DST: variants seen among roughly 807,000 people sequenced by gnomAD.
DST encodes dystonin.
Under a neutral mutation model 875.2 loss-of-function variants are expected in DST, and 253 were observed. The ratio of observed to expected loss-of-function variants is 0.29; its 90% CI spans 0.26 to 0.32. The LOEUF (loss-of-function observed/expected upper bound fraction) is 0.32. Among genes scored for constraint, DST ranks in the 10% least tolerant of loss-of-function variants. The pLI, the probability that DST is intolerant of heterozygous loss-of-function variation, is 1.00. For synonymous variants in DST, 3,124 were observed against 3,197.1 expected (o/e 0.98, Z 0.77); for missense variants, 8,287 against 9,111.6 (o/e 0.91, Z 3.68).
In DST at chr6:56,529,645, C is replaced by G. The variant is rs1336953040; in HGVS notation, c.17398G>C (p.Val5800Leu). 6.2e-7 allele frequency: 1 copy of G among 1,613,774 alleles called. No individual in the cohort carries two copies. Among genetic ancestry groups the G allele is most frequent in the Admixed American group, 1.7e-5 (1 of 60,012 alleles). The change falls in exon 66 of 104, where the codon GTA (valine) becomes CTA (leucine). Residue 5800 changes from valine to leucine, a missense_variant. By Grantham distance (32) the Val-to-Leu change is conservative. Around this residue, in one of 10 missense-constraint regions of DST, gnomAD observed 777 missense variants for 764.8 expected, o/e 1.02. Coordinates refer to ENST00000680361, the MANE Select transcript of DST (RefSeq NM_001374736.1). ...TTCTCTTGAATCTCAATGTACCATA[C>G]TTGAGAGAAGTCTAATTTACTCTGC... ...MVQSKLDFSQVWYIEIQEKSH... is the reference protein window; with the variant it reads ...MVQSKLDFSQLWYIEIQEKSH...
intron 4 of DST, among the ~76,000 whole-genome samples, chr6:56,759,472 C>A (rs923785219): frequency 4.6e-5 from 7 of 152,048 alleles, no homozygotes; most frequent in Non-Finnish European, 7.4e-5. Flanking sequence ...ATAAATAAAT[C>A]AAAAACCACA....
At chr6:56,633,233 C>CTT (rs61647189) in intron 27 of DST, among the ~76,000 whole-genome samples, 196 bp from the exon 28 acceptor site, 2 of 138,720 alleles carry the variant, frequency 1.4e-5, no homozygotes, top group Non-Finnish European at 1.5e-5. Flanking sequence ...GAGTTTCACT[C>CTT]TTTTTTTTTT....
chr6:56,928,715 A>T (rs1808526913), intron 2 of DST, among the ~76,000 whole-genome samples: 1 of 152,230 alleles, frequency 6.6e-6, no homozygotes, highest in Non-Finnish European at 1.5e-5. Context: ...AATCCACTAC[A>T]AACAGTAAGA....
intron 82 of DST, among the ~76,000 whole-genome samples, chr6:56,497,014 T>A (rs1583154453): frequency 6.6e-6 from 1 of 151,378 alleles, no homozygotes; most frequent in East Asian, 1.9e-4. Context: ...GGGACTGTTG[T>A]GGGGTCAGGG....
At chr6:56,597,627 A>C (rs1363508267) in intron 47 of DST, 113 bp downstream of exon 47, 1 of 1,124,478 alleles carries the variant, frequency 8.9e-7, no homozygotes, top group East Asian at 2.4e-5. Context: ...ATGAACACAG[A>C]AAAAAACCTC....
intron 49 of DST, among the ~76,000 whole-genome samples, chr6:56,591,574 A>G (rs1022288140): frequency 2.0e-5 from 3 of 152,216 alleles, no homozygotes; most frequent in African/African-American, 4.8e-5. Flanking sequence ...AGTGAACAAG[A>G]TAAGTAAGTA....
chr6:56,462,370 G>A (rs973966812), intron 102 of DST, among the ~76,000 whole-genome samples: 83 of 151,858 alleles, frequency 5.5e-4, no homozygotes, highest in African/African-American at 1.7e-3. Context: ...ATATCATGCC[G>A]TATTAAAAAG....
intron 17 of DST, 27 bp from the exon 18 acceptor site, chr6:56,640,632 G>C: frequency 1.3e-6 from 2 of 1,567,108 alleles, no homozygotes; most frequent in African/African-American, 1.4e-5. Context: ...AAGGGATAAG[G>C]TGAAATATAA....
intron 4 of DST, among the ~76,000 whole-genome samples, chr6:56,746,005 A>T (rs1228428965): frequency 6.6e-6 from 1 of 152,120 alleles, no homozygotes; most frequent in Non-Finnish European, 1.5e-5. Context: ...TTTAACAGAC[A>T]GGGTTTCACT....
intron 2 of DST, among the ~76,000 whole-genome samples, chr6:56,931,502 A>C (rs951995779): frequency 4.6e-5 from 7 of 152,090 alleles, no homozygotes. Flanking sequence ...AGGGCCACCG[A>C]CCTCCAGACC....
chr6:56,784,438 T>G (rs1270925091), intron 4 of DST, among the ~76,000 whole-genome samples: 1 of 152,238 alleles, frequency 6.6e-6, no homozygotes, highest in African/African-American at 2.4e-5. Flanking sequence ...TTATTCTTTT[T>G]TCTCTAAACT....
At chr6:56,507,865 A>G (rs1056692737) in intron 75 of DST, among the ~76,000 whole-genome samples, 1 of 152,146 alleles carries the variant, frequency 6.6e-6, no homozygotes, top group Non-Finnish European at 1.5e-5. Context: ...CAACACAGTA[A>G]GAGCAGATCT....
At chr6:56,562,962 C>T (rs2097565088) in intron 55 of DST, among the ~76,000 whole-genome samples, 1 of 152,198 alleles carries the variant, frequency 6.6e-6, no homozygotes, top group South Asian at 2.1e-4. Flanking sequence ...TATATATGTA[C>T]CACATTTTCT....
chr6:56,636,808 A>G (rs1473207238), intron 22 of DST, among the ~76,000 whole-genome samples, 156 bp from the exon 23 acceptor site: 2 of 152,212 alleles, frequency 1.3e-5, no homozygotes, highest in African/African-American at 4.8e-5. Flanking sequence ...GTGGCTGGGC[A>G]TGGTGGCTCA....
At chr6:56,655,966 G>C (rs59889120) in intron 10 of DST, among the ~76,000 whole-genome samples, 8,116 of 152,254 alleles carry the variant, frequency 0.053, 667 homozygotes, top group African/African-American at 0.18. Context: ...TCAATATCTA[G>C]CATAATGCTT....
intron 52 of DST, 87 bp downstream of exon 52, chr6:56,572,660 C>T (rs922971940): frequency 3.1e-6 from 3 of 966,452 alleles, no homozygotes; most frequent in Non-Finnish European, 3.0e-6. Flanking sequence ...AAAATGATTG[C>T]CAATTATAAT....
rs57127503 is a variant in DST, at chr6:56,672,983, G to A, written c.1048-2176C>T. 7.8e-3 allele frequency among the ~76,000 whole-genome samples: 1,186 copies of A among 152,208 alleles called. 14 individuals are homozygous for A. Among genetic ancestry groups the A allele is most frequent in the African/African-American group, 0.028 (1,143 of 41,518 alleles). ...GAATGAAAAAGTTGAGGCCAGGCAC[G>A]GTGGCTCACGCTTGTAATCCCAGCA... On this transcript the variant is annotated intron_variant, in intron 9 of 103. Transcript: ENST00000680361.
At chr6:56,642,616 C>T in intron 15 of DST, 113 bp from the exon 16 acceptor site, 1 of 1,614,106 alleles carries the variant, frequency 6.2e-7, no homozygotes, top group Non-Finnish European at 8.5e-7. Flanking sequence ...ACCAATGATT[C>T]AATACCTGTG....
chr6:56,909,244 T>A (rs1011522291), intron 2 of DST, among the ~76,000 whole-genome samples: 1 of 152,240 alleles, frequency 6.6e-6, no homozygotes, highest in Non-Finnish European at 1.5e-5. Context: ...CTGTCTTTTA[T>A]CCATGTTTGC....
Sources: gnomAD v4.1 joint callset for allele counts (sites outside exome capture counted in the v4.1 genomes callset) on GRCh38, gnomAD v4.1.1 for gene constraint, gnomAD v4.1.1 regional missense constraint, MANE v1.5 for transcripts, NCBI Gene and HGNC (gene_info 2026-07-23, HGNC 2026-07-21) for gene names.